The following PRMT6 variants were observed in gnomAD, a reference collection of about 807,000 sequenced individuals.
The protein encoded by PRMT6 is protein arginine methyltransferase 6.
Under a neutral mutation model 30.5 loss-of-function variants are expected in PRMT6, and 23 were observed. The observed-to-expected ratio is 0.75, with a 90% CI of 0.54 to 1.07. The LOEUF (loss-of-function observed/expected upper bound fraction) is 1.07. PRMT6 is among the 50% of genes least tolerant of loss of function. The pLI, the probability that PRMT6 is intolerant of heterozygous loss-of-function variation, is 0.00. For synonymous variants in PRMT6, 265 were observed against 228.0 expected, an observed-to-expected ratio of 1.16 and a Z score of -1.46; for missense variants, 528 against 514.3, an observed-to-expected ratio of 1.03 and a Z score of -0.26.
rs897838148 is a variant in PRMT6 at position 107,058,125 on chromosome 1, G to C, written c.*282G>C. On this transcript the variant is annotated 3_prime_UTR_variant, in exon 1 of 1. Coordinates refer to ENST00000370078, the MANE Select transcript of PRMT6 (RefSeq NM_018137.3). ...TGTAGTACCAAGCACTTGTATTTCC[G>C]TATATTTTGTTTCGCGGGGGAGTGA... The C allele has an allele frequency of 4.1e-6, 2 of 490,282 alleles. No individual in the cohort carries two copies. Among genetic ancestry groups the C allele is most frequent in the Admixed American group, 3.5e-5 (1 of 28,670 alleles). 30.4% of individuals were successfully genotyped at this position (490,282 alleles called of 1,614,324 possible).
Position 107,058,463 on chromosome 1 carries a change from C to T in PRMT6, c.*620C>T, listed in dbSNP as rs1651781959. The T allele has an allele frequency of 5.8e-6, 1 of 173,094 alleles. No homozygotes were observed. Among genetic ancestry groups the T allele is most frequent in the South Asian group, 1.8e-4 (1 of 5,650 alleles). 10.7% of individuals were successfully genotyped at this position (173,094 alleles called of 1,614,324 possible). ...TTCTCATTACTCTGACCACATACAT[C>T]ATAGGGTGCTAAAGTTGATGAACAC... On this transcript the variant is annotated 3_prime_UTR_variant, in exon 1 of 1. Transcript: ENST00000370078.
Sources: gnomAD v4.1 joint callset for allele counts on GRCh38, gnomAD v4.1.1 for gene constraint, MANE v1.5 for transcripts, NCBI Gene and HGNC (gene_info 2026-07-23, HGNC 2026-07-21) for gene names.